TESK2: variants seen among roughly 807,000 people sequenced by gnomAD.
The protein encoded by TESK2 is testis associated actin remodelling kinase 2.
TESK2 carries 39 observed loss-of-function variants against 57.1 expected under a neutral mutation model. The ratio of observed to expected loss-of-function variants is 0.68; its 90% CI spans 0.53 to 0.89. The LOEUF is 0.89. Among genes scored for constraint, TESK2 ranks in the 40% least tolerant of loss-of-function variants. TESK2 has a pLI of 0.00. For missense variants in TESK2, 646 were observed against 732.1 expected (o/e 0.88, Z 1.36); for synonymous variants, 249 against 267.9 (o/e 0.93, Z 0.69).
intron 1 of TESK2, among the ~76,000 whole-genome samples, chr1:45,472,060 G>C (rs1330723072): frequency 6.6e-6 from 1 of 150,922 alleles, no homozygotes; most frequent in East Asian, 2.0e-4. Flanking sequence ...GACCATCCTG[G>C]CTAACACGGT....
chr1:45,374,225 G>A (rs1019589102), intron 4 of TESK2, among the ~76,000 whole-genome samples: 9 of 152,182 alleles, frequency 5.9e-5, no homozygotes, highest in African/African-American at 2.2e-4. Flanking sequence ...CAAGTGTTGG[G>A]AGCAGTACTT....
chr1:45,395,590 CTTTCT>C (rs200966957), intron 3 of TESK2, among the ~76,000 whole-genome samples: 6,729 of 150,054 alleles, frequency 0.045, 462 homozygotes, highest in African/African-American at 0.16. Context: ...ATTTACACTC[CTTTCT>C]TTTCTTTTCT....
chr1:45,409,976 C>G (rs1439684889), intron 3 of TESK2, among the ~76,000 whole-genome samples: 1 of 152,026 alleles, frequency 6.6e-6, no homozygotes, highest in Non-Finnish European at 1.5e-5. Flanking sequence ...ACCAGCCTGG[C>G]CAACATGGTG....
At chr1:45,427,985 T>G (rs1650773787) in intron 2 of TESK2, among the ~76,000 whole-genome samples, 1 of 152,192 alleles carries the variant, frequency 6.6e-6, no homozygotes, top group Admixed American at 6.5e-5. Context: ...TATTACACAT[T>G]GTATGGCTGT....
chr1:45,408,171 A>G (rs1218880108), intron 3 of TESK2, among the ~76,000 whole-genome samples: 1 of 152,082 alleles, frequency 6.6e-6, no homozygotes, highest in Non-Finnish European at 1.5e-5. Flanking sequence ...GCATCATGAG[A>G]AGGGGCTCAT....
At chr1:45,393,631 C>T (rs1393194420) in intron 3 of TESK2, among the ~76,000 whole-genome samples, 2 of 151,702 alleles carry the variant, frequency 1.3e-5, no homozygotes, top group African/African-American at 4.8e-5. Flanking sequence ...GTCCCAGCTA[C>T]TCGGGAGGCT....
chr1:45,480,663 A>C (rs1653179867), intron 1 of TESK2, among the ~76,000 whole-genome samples: 1 of 151,352 alleles, frequency 6.6e-6, no homozygotes. Flanking sequence ...GTGATTAAAA[A>C]GAAAATAATA....
In TESK2 at chr1:45,438,498, T is replaced by C. The variant is rs1285050763; in HGVS notation, c.223-16652A>G. Among the ~76,000 whole-genome samples the C allele has an allele frequency of 2.0e-5, 3 of 152,132 alleles. No individual in the cohort carries two copies. In the East Asian group the frequency reaches 5.8e-4, roughly 29 times the overall value. ...GCGACAGAGTAAGACTCTGTTAAAA[T>C]AATATCACATACCACTGATGAAGAC... On this transcript the variant is annotated intron_variant, in intron 2 of 10. Coordinates refer to ENST00000372086, the MANE Select transcript of TESK2 (RefSeq NM_007170.3).
chr1:45,465,530 A>AAAAG (rs202180046), intron 1 of TESK2, among the ~76,000 whole-genome samples: 1 of 152,006 alleles, frequency 6.6e-6, no homozygotes, highest in Non-Finnish European at 1.5e-5. Flanking sequence ...GAAAAAGAGA[A>AAAAG]AAAGAAAGAA....
chr1:45,452,032 C>A (rs866262402), intron 2 of TESK2, among the ~76,000 whole-genome samples: 117 of 103,754 alleles, frequency 1.1e-3, no homozygotes, highest in Admixed American at 1.6e-3. Flanking sequence ...GACTCCGTCT[C>A]AAAAAAAAAA....
chr1:45,423,431 C>T (rs1461626697), intron 2 of TESK2, among the ~76,000 whole-genome samples: 14 of 152,044 alleles, frequency 9.2e-5, no homozygotes, highest in Admixed American at 9.2e-4. Context: ...GTGGCGGGCA[C>T]CTGTAGTCCC....
chr1:45,445,574 G>A (rs1651611428), intron 2 of TESK2, among the ~76,000 whole-genome samples: 1 of 147,864 alleles, frequency 6.8e-6, no homozygotes, highest in Non-Finnish European at 1.5e-5. Flanking sequence ...ATCACTTGAG[G>A]CCAGGAATTC....
chr1:45,370,540 T>C lies in TESK2; in HGVS notation c.394-15091A>G, dbSNP rs562904888. ...CAGTTGAAATCAATGATAAATTATA[T>C]TGTATTATGAGAGCACATAGGAGGG... On this transcript the variant is annotated intron_variant, in intron 4 of 10. Coordinates refer to ENST00000372086, the MANE Select transcript of TESK2 (RefSeq NM_007170.3). Among the ~76,000 whole-genome samples, 29 of 152,272 alleles carry C rather than the reference T, an allele frequency of 1.9e-4. No homozygotes were observed. The South Asian group carries it at 4.8e-3, about 25-fold the overall frequency.
At chr1:45,347,883 T>TC in intron 6 of TESK2, 35 bp downstream of exon 6, 1 of 1,562,772 alleles carries the variant, frequency 6.4e-7, no homozygotes, top group Non-Finnish European at 8.8e-7. Flanking sequence ...CAGCCCCCTG[T>TC]CCCTTGGACC....
intron 4 of TESK2, among the ~76,000 whole-genome samples, chr1:45,384,636 G>A (rs1648820016): frequency 9.9e-6 from 1 of 100,856 alleles, no homozygotes. Context: ...TGTAGAGACA[G>A]AGCCTTGCTA....
chr1:45,465,425 AG>A (rs1652506290), intron 1 of TESK2, among the ~76,000 whole-genome samples: 2 of 149,928 alleles, frequency 1.3e-5, no homozygotes, highest in African/African-American at 5.0e-5. Context: ...AGAGAGAGAG[AG>A]AGAGAGAGAG....
chr1:45,448,058 A>G (rs1651710121), intron 2 of TESK2, among the ~76,000 whole-genome samples: 1 of 148,424 alleles, frequency 6.7e-6, no homozygotes, highest in South Asian at 2.1e-4. Context: ...TTTTTGGTAG[A>G]GACCTTGTGT....
intron 1 of TESK2, among the ~76,000 whole-genome samples, chr1:45,479,012 C>A (rs1043433453): frequency 1.3e-5 from 2 of 152,120 alleles, no homozygotes; most frequent in African/African-American, 4.8e-5. Context: ...GGGTGAGCAA[C>A]CATACCCAGC....
chr1:45,443,568 C>CAA (rs34128016), intron 2 of TESK2, among the ~76,000 whole-genome samples: 28 of 32,046 alleles, frequency 8.7e-4, no homozygotes, highest in African/African-American at 1.6e-3. Flanking sequence ...AGATCCATCG[C>CAA]AAAAAAAAAA....
Sources: allele counts gnomAD v4.1 joint callset (sites outside exome capture counted in the v4.1 genomes callset), GRCh38; gene constraint gnomAD v4.1.1; transcripts MANE v1.5; gene names NCBI Gene and HGNC (gene_info 2026-07-23, HGNC 2026-07-21).